The following WDR27 variants were observed in gnomAD, a reference collection of about 807,000 sequenced individuals.
The protein encoded by WDR27 is WD repeat domain 27.
WDR27 carries 100 observed loss-of-function variants against 114.4 expected under a neutral mutation model. The observed-to-expected ratio is 0.87, with a 90% confidence interval of 0.74 to 1.03. The LOEUF (loss-of-function observed/expected upper bound fraction) is 1.03, where lower values mean the gene tolerates loss of function less well. Among genes scored for constraint, WDR27 ranks in the 50% least tolerant of loss-of-function variants. The probability of loss-of-function intolerance (pLI) is 0.00; values close to 1 mark genes in which losing one functional copy is unlikely to be tolerated. For synonymous variants in WDR27, 449 were observed against 423.1 expected (o/e 1.06, Z -0.75); for missense variants, 1,129 against 1,092.9 (o/e 1.03, Z -0.47).
At chr6:169,474,701 T>TA (rs1176881949) in intron 25 of WDR27, among the ~76,000 whole-genome samples, 1 of 151,270 alleles carries the variant, frequency 6.6e-6, no homozygotes, top group East Asian at 1.9e-4. Flanking sequence ...TGAGAAAAGA[T>TA]AAAGGGGAAT....
chr6:169,605,314 C>T (rs768678260), intron 22 of WDR27, among the ~76,000 whole-genome samples: 1 of 151,602 alleles, frequency 6.6e-6, no homozygotes, highest in Admixed American at 6.6e-5. Context: ...CATTTCTATA[C>T]ATCAATAATG....
intron 24 of WDR27, among the ~76,000 whole-genome samples, chr6:169,577,728 G>A (rs994333808): frequency 7.9e-5 from 12 of 152,212 alleles, no homozygotes; most frequent in African/African-American, 2.9e-4. Flanking sequence ...TTACAGCGGC[G>A]ACGGGAAGCG....
chr6:169,507,569 T>C (rs1162569171), intron 25 of WDR27, among the ~76,000 whole-genome samples: 3 of 152,220 alleles, frequency 2.0e-5, no homozygotes. Flanking sequence ...GGACAGAAAT[T>C]CTACGCTTCT....
chr6:169,666,830 G>A (rs1433710266), intron 6 of WDR27: 1 of 985,484 alleles, frequency 1.0e-6, no homozygotes, highest in Non-Finnish European at 1.2e-6. Context: ...TTTCTACAGA[G>A]AGCAGAAGGC....
chr6:169,610,134 A>G (rs185758853), intron 22 of WDR27, among the ~76,000 whole-genome samples: 47 of 152,312 alleles, frequency 3.1e-4, no homozygotes, highest in Middle Eastern at 3.4e-3. Flanking sequence ...ACAAGTCTCT[A>G]AGAACTTGCA....
Position 169,596,120 on chromosome 6 carries a change from C to T in WDR27, c.2424+6099G>A, listed in dbSNP as rs1244098718. On this transcript the variant is annotated intron_variant, in intron 23 of 25. Coordinates refer to ENST00000448612, the MANE Select transcript of WDR27 (RefSeq NM_182552.5). ...GCAAACTAGTCTGAGTCAATTTTCC[C>T]AGGTATTCGTTCAATATCTAGATTT... is the stretch of plus-strand genomic sequence containing the variant. Among the ~76,000 whole-genome samples, 4 of 151,960 alleles carry T rather than the reference C, an allele frequency of 2.6e-5. No homozygotes were observed. In the East Asian group the frequency reaches 7.7e-4, roughly 29 times the overall value.
chr6:169,552,312 T>C (rs1798259208), intron 25 of WDR27, among the ~76,000 whole-genome samples: 1 of 152,096 alleles, frequency 6.6e-6, no homozygotes, highest in South Asian at 2.1e-4. Flanking sequence ...TGACCACTCA[T>C]GTTATTATTG....
chr6:169,688,721 G>T, intron 2 of WDR27, 96 bp downstream of exon 2: 2 of 836,072 alleles, frequency 2.4e-6, no homozygotes, highest in African/African-American at 1.7e-5. Context: ...GTTGGTAGCT[G>T]AATCCACAGA....
At chr6:169,460,382 C>G (rs112286290) in intron 25 of WDR27, among the ~76,000 whole-genome samples, 1,771 of 152,170 alleles carry the variant, frequency 0.012, 39 homozygotes, top group African/African-American at 0.041. Context: ...AGTGTTATAA[C>G]TTTAGAATAC....
chr6:169,649,379 C>A, intron 14 of WDR27, 104 bp from the exon 15 acceptor site: 1 of 994,410 alleles, frequency 1.0e-6, no homozygotes, highest in Non-Finnish European at 1.5e-6. Context: ...TAGATATAGA[C>A]GTCTGCATAA....
chr6:169,683,940 T>A (rs1353086748), intron 2 of WDR27, among the ~76,000 whole-genome samples: 1 of 152,176 alleles, frequency 6.6e-6, no homozygotes, highest in Non-Finnish European at 1.5e-5. Context: ...CCAAAGCTGC[T>A]GTAGCACAGC....
At chr6:169,473,771 TCTC>T (rs1317723091) in intron 25 of WDR27, among the ~76,000 whole-genome samples, 1 of 152,242 alleles carries the variant, frequency 6.6e-6, no homozygotes. Flanking sequence ...TGATAGGTGT[TCTC>T]CTTACACTTC....
rs563682500 is a variant in WDR27 at position 169,503,220 on chromosome 6, C to A, written c.2646-45586G>T. The stretch of plus-strand genomic sequence containing the variant: ...TTCAGAGGACAAGCCTGAGTTCAAG[C>A]AACCTGTAACAGCTTCTGACGCTAA... On this transcript the variant is annotated intron_variant, in intron 25 of 25. Transcript: ENST00000448612. 3.9e-5 allele frequency among the ~76,000 whole-genome samples: 6 copies of A among 152,310 alleles called. No individual in the cohort carries two copies. The South Asian group carries it at 1.2e-3, about 32-fold the overall frequency.
At position 169,641,824 on chromosome 6, in the gene WDR27, C is replaced by T. The variant is rs567519465; in HGVS notation, c.1747+1873G>A. 3.3e-5 allele frequency among the ~76,000 whole-genome samples: 5 copies of T among 152,376 alleles called. No individual in the cohort carries two copies. In the East Asian group the frequency reaches 5.8e-4, roughly 18 times the overall value. On this transcript the variant is annotated intron_variant, in intron 17 of 25. Transcript: ENST00000448612. ...GACCCCAGAACTTCACAACGATCAC[C>T]GCTAGCTCCAGGGCGCGTCACAGAT...
chr6:169,682,584 G>A (rs1781822212), intron 2 of WDR27, among the ~76,000 whole-genome samples: 1 of 152,212 alleles, frequency 6.6e-6, no homozygotes, highest in Non-Finnish European at 1.5e-5. Flanking sequence ...ATCCCTGGAA[G>A]GCCCTCTGAA....
intron 25 of WDR27, among the ~76,000 whole-genome samples, chr6:169,478,191 A>T (rs1427064555): frequency 6.6e-6 from 1 of 152,212 alleles, no homozygotes; most frequent in Non-Finnish European, 1.5e-5. Context: ...ACTGTGGTGG[A>T]GGTCACATGA....
intron 6 of WDR27, 56 bp downstream of exon 6, chr6:169,667,079 AG>A: frequency 6.9e-7 from 1 of 1,453,466 alleles, no homozygotes; most frequent in Non-Finnish European, 9.0e-7. Flanking sequence ...AATATGCTCT[AG>A]AAAAAGTGGG....
chr6:169,629,858 C>A (rs1029876509), intron 21 of WDR27, among the ~76,000 whole-genome samples: 1 of 140,114 alleles, frequency 7.1e-6, no homozygotes, highest in South Asian at 2.3e-4. Context: ...ACCCAGGAGG[C>A]GGAGCTTGCA....
intron 23 of WDR27, among the ~76,000 whole-genome samples, chr6:169,597,354 T>C (rs1807015611): frequency 6.6e-6 from 1 of 152,198 alleles, no homozygotes; most frequent in Admixed American, 6.5e-5. Flanking sequence ...TCTTGATTTT[T>C]TGCCTCTTGA....
Sources: gnomAD v4.1 joint callset for allele counts (sites outside exome capture counted in the v4.1 genomes callset) on GRCh38, gnomAD v4.1.1 for gene constraint, MANE v1.5 for transcripts, NCBI Gene and HGNC (gene_info 2026-07-23, HGNC 2026-07-21) for gene names.